CTTNBP2: variants seen among roughly 807,000 people sequenced by gnomAD.
CTTNBP2 encodes cortactin-binding protein 2.
CTTNBP2 carries 108 observed loss-of-function variants against 156.9 expected under a neutral mutation model. That is an observed-to-expected ratio of 0.69 (90% CI 0.59 to 0.81). The LOEUF is 0.81. Ranked by LOEUF, CTTNBP2 falls within the 30% of genes least tolerant of loss-of-function variation. The pLI, the probability that CTTNBP2 is intolerant of heterozygous loss-of-function variation, is 0.00. For missense variants in CTTNBP2, 1,924 were observed against 2,035.4 expected, an observed-to-expected ratio of 0.95 and a Z score of 1.05; for synonymous variants, 767 against 751.8, an observed-to-expected ratio of 1.02 and a Z score of -0.33.
intron 17 of CTTNBP2, among the ~76,000 whole-genome samples, chr7:117,727,068 A>T (rs1795132434): frequency 6.6e-6 from 1 of 152,242 alleles, no homozygotes; most frequent in South Asian, 2.1e-4. Context: ...TAATGAAGAA[A>T]GTGGTAATTA....
At position 117,745,860 on chromosome 7, in the gene CTTNBP2, T is replaced by C; in HGVS notation, c.3506A>G (p.Glu1169Gly). Residue 1169 changes from glutamate to glycine, a missense_variant, in exon 14 of 23, where the codon GAA becomes GGA. Transcript: ENST00000160373. Reference sequence around the variant, plus strand: ...ACTAATGAACAGGTCTAGTAGCTGTTCCTTGGAAAAACCAGCATCTACTTC... The same window carrying C: ...ACTAATGAACAGGTCTAGTAGCTGTCCCTTGGAAAAACCAGCATCTACTTC... ...RAEVDAGFSK[E>G]QLLDLFISSA... The C allele has an allele frequency of 6.2e-7, 1 of 1,614,078 alleles. No homozygotes were observed.
intron 14 of CTTNBP2, among the ~76,000 whole-genome samples, chr7:117,743,384 G>A (rs1796121897): frequency 6.6e-6 from 1 of 152,206 alleles, no homozygotes; most frequent in Non-Finnish European, 1.5e-5. Flanking sequence ...TTTAAAGCCA[G>A]TAGTGATTAA....
At chr7:117,794,872 TA>T (rs1295255019) in intron 3 of CTTNBP2, among the ~76,000 whole-genome samples, 54 of 142,670 alleles carry the variant, frequency 3.8e-4, no homozygotes, top group African/African-American at 8.6e-4. Context: ...TTTTTATATG[TA>T]TATCTTTTTT....
intron 1 of CTTNBP2, among the ~76,000 whole-genome samples, chr7:117,868,793 G>C (rs965285484): frequency 2.0e-5 from 3 of 152,270 alleles, no homozygotes; most frequent in East Asian, 3.9e-4. Context: ...AGACAGGCCT[G>C]GGTAGCAAAG....
At chr7:117,798,884 A>T (rs1273184107) in intron 3 of CTTNBP2, among the ~76,000 whole-genome samples, 1 of 152,046 alleles carries the variant, frequency 6.6e-6, no homozygotes, top group African/African-American at 2.4e-5. Context: ...AGGGGATATC[A>T]CTACAGATTA....
chr7:117,724,541 C>T lies in CTTNBP2; in HGVS notation c.4447+6G>A, dbSNP rs374189178. The T allele has an allele frequency of 3.7e-6, 6 of 1,607,316 alleles. No individual in the cohort carries two copies. Among genetic ancestry groups the T allele is most frequent in the Non-Finnish European group, 5.1e-6 (6 of 1,176,772 alleles). ...GGTAGGCAACATGCCTACCCCCGCC[C>T]TTTACCTTCAGTGCTTAGGTCTGGC... On this transcript the variant is annotated splice_donor_region_variant and intron_variant, in intron 19 of 22. Transcript: ENST00000160373.
chr7:117,847,302 G>A (rs1802645678), intron 2 of CTTNBP2, among the ~76,000 whole-genome samples: 1 of 152,196 alleles, frequency 6.6e-6, no homozygotes, highest in Non-Finnish European at 1.5e-5. Flanking sequence ...TTAAGAAGCT[G>A]AGGCTGGCAG....
intron 8 of CTTNBP2, among the ~76,000 whole-genome samples, chr7:117,772,970 A>G (rs1025207700): frequency 6.6e-6 from 1 of 152,230 alleles, no homozygotes; most frequent in African/African-American, 2.4e-5. Flanking sequence ...TGAACATTAC[A>G]GGGAATGAGT....
At position 117,846,795 on chromosome 7, in the gene CTTNBP2, G is replaced by C. The variant is rs369579657; in HGVS notation, c.189+14414C>G. ...TTCATTCCTTAGTTAAATGTATCAAGATTTAAAAACTGGCTTCTTAAACAT... is the reference window on the plus strand; with the variant it reads ...TTCATTCCTTAGTTAAATGTATCAACATTTAAAAACTGGCTTCTTAAACAT... On this transcript the variant is annotated intron_variant, in intron 2 of 22. Transcript: ENST00000160373. Among the ~76,000 whole-genome samples, 19 of 152,062 alleles carry C rather than the reference G, an allele frequency of 1.2e-4. No homozygotes were observed. The East Asian group carries it at 3.1e-3, about 25-fold the overall frequency.
chr7:117,781,752 A>C (rs916514442), intron 6 of CTTNBP2, among the ~76,000 whole-genome samples: 1 of 152,182 alleles, frequency 6.6e-6, no homozygotes, highest in Non-Finnish European at 1.5e-5. Context: ...AAGAAAGAAA[A>C]AAATCCATCC....
intron 4 of CTTNBP2, among the ~76,000 whole-genome samples, chr7:117,784,680 T>G (rs533241686): frequency 6.6e-6 from 1 of 152,306 alleles, no homozygotes; most frequent in African/African-American, 2.4e-5. Flanking sequence ...TGGTAAAAAA[T>G]TATTTTTAGT....
chr7:117,711,273 A>AT lies in CTTNBP2; in HGVS notation c.*263dup. The AT allele has an allele frequency of 2.7e-6, 1 of 368,004 alleles. No homozygotes were observed. Among genetic ancestry groups the AT allele is most frequent in the Non-Finnish European group, 5.0e-6 (1 of 201,990 alleles). The allele number at this position is 368,004 out of a possible 1,614,324, so 22.8% of individuals were successfully genotyped here. On this transcript the variant is annotated 3_prime_UTR_variant, in exon 23 of 23. Coordinates refer to ENST00000160373, the MANE Select transcript of CTTNBP2 (RefSeq NM_033427.3). The stretch of plus-strand genomic sequence containing the variant: ...ACCCCTGAACATCTTGATTAAAACT[A>AT]TTACAATTTTTCTATTATAAAACTA...
chr7:117,808,219 T>C (rs1007439293), intron 3 of CTTNBP2, among the ~76,000 whole-genome samples: 1 of 152,074 alleles, frequency 6.6e-6, no homozygotes, highest in Non-Finnish European at 1.5e-5. Flanking sequence ...TTTGAAAATA[T>C]ACAGATTTCC....
At chr7:117,861,650 G>T (rs772689412) in intron 1 of CTTNBP2, among the ~76,000 whole-genome samples, 3 of 152,080 alleles carry the variant, frequency 2.0e-5, no homozygotes, top group Admixed American at 6.5e-5. Flanking sequence ...GGGAGTGGGG[G>T]AGTTTCAAGA....
Position 117,792,156 on chromosome 7 carries a change from G to A in CTTNBP2, c.1040C>T (p.Thr347Ile). 3 of 1,614,170 alleles carry A rather than the reference G, an allele frequency of 1.9e-6. No individual in the cohort carries two copies. The highest frequency in any genetic ancestry group is 2.5e-6 in the Non-Finnish European group (3 of 1,180,022). The change falls in exon 4 of 23, where the codon ACC becomes ATC. Residue 347 changes from threonine (T) to isoleucine (I), a missense_variant. Physicochemically the swap from Thr to Ile is moderately conservative, Grantham distance 89. Transcript: ENST00000160373. This position sits in a 1 kb window ranked among gnomAD's most constrained non-coding sequence, Gnocchi z 4.2. ...VSANAKGSVC[T>I]SATMARPGID... is the part of the protein sequence containing the mutation. ...ACCTGGTCTGGCCATGGTGGCACTG[G>A]TGCACACGCTCCCTTTTGCATTTGC... is the stretch of plus-strand genomic sequence containing the variant.
At chr7:117,799,384 T>C (rs1479777932) in intron 3 of CTTNBP2, among the ~76,000 whole-genome samples, 1 of 151,812 alleles carries the variant, frequency 6.6e-6, no homozygotes, top group Admixed American at 6.6e-5. Context: ...TAACTCAATA[T>C]ATTAAAAGAT....
rs1313003249 is a variant in CTTNBP2 at position 117,711,605 on chromosome 7, T to G, written c.4924A>C (p.Asn1642His). ...CAATTCACTTCTTTTGAGTTGTTGT[T>G]GATTTCTATTTGCCTTGTATTACTG... The part of the protein sequence containing the change: ...SSSNTRQIEI[N>H]NNSKEVNWNL... Residue 1642 changes from asparagine to histidine, a missense_variant, in exon 23 of 23, where the codon AAC becomes CAC. Coordinates refer to ENST00000160373, the MANE Select transcript of CTTNBP2 (RefSeq NM_033427.3). The G allele has an allele frequency of 6.8e-6, 11 of 1,614,092 alleles. No individual in the cohort carries two copies. Among genetic ancestry groups the G allele is most frequent in the Non-Finnish European group, 8.5e-7 (1 of 1,179,964 alleles).
chr7:117,794,869 A>ATCTTTTTTTTTTTTTT (rs1563015492), intron 3 of CTTNBP2, among the ~76,000 whole-genome samples: 2 of 124,352 alleles, frequency 1.6e-5, no homozygotes, highest in Non-Finnish European at 3.4e-5. Flanking sequence ...CTGTTTTTAT[A>ATCTTTTTTTTTTTTTT]TGTATATCTT....
intron 14 of CTTNBP2, among the ~76,000 whole-genome samples, chr7:117,739,662 G>A (rs557904781): frequency 4.6e-5 from 7 of 152,252 alleles, no homozygotes; most frequent in East Asian, 3.9e-4. Context: ...GCTTTGTGTC[G>A]TAGGTGAGTG....
Sources: gnomAD v4.1 joint callset for allele counts (sites outside exome capture counted in the v4.1 genomes callset) on GRCh38, gnomAD v4.1.1 for gene constraint, Gnocchi (gnomAD v3.1) non-coding constraint, MANE v1.5 for transcripts, NCBI Gene and HGNC (gene_info 2026-07-23, HGNC 2026-07-21) for gene names.